HS6ST1: variants seen among roughly 807,000 people sequenced by gnomAD.
HS6ST1 encodes the protein heparan-sulfate 6-O-sulfotransferase 1.
Under a neutral mutation model 25.2 loss-of-function variants are expected in HS6ST1, and 3 were observed. The ratio of observed to expected loss-of-function variants is 0.12; its 90% CI spans 0.05 to 0.31. The LOEUF is 0.31. HS6ST1 is among the 10% of genes least tolerant of loss of function. HS6ST1 has a pLI of 1.00. For missense variants in HS6ST1, 310 were observed against 609.6 expected (o/e 0.51, Z 5.18); for synonymous variants, 204 against 275.1 (o/e 0.74, Z 2.56).
At chr2:128,270,722 T>C (rs1038768025) in intron 1 of HS6ST1, among the ~76,000 whole-genome samples, 17 of 152,166 alleles carry the variant, frequency 1.1e-4, no homozygotes, top group African/African-American at 3.9e-4. Flanking sequence ...CCCACTCCTG[T>C]GGGGCCGTGA....
At chr2:128,280,951 C>G (rs1401909324) in intron 1 of HS6ST1, among the ~76,000 whole-genome samples, 1 of 152,258 alleles carries the variant, frequency 6.6e-6, no homozygotes, top group Non-Finnish European at 1.5e-5. Context: ...TGACCCAACC[C>G]CAGGGAGCCC....
At chr2:128,298,707 A>G (rs537825027) in intron 1 of HS6ST1, among the ~76,000 whole-genome samples, 1 of 152,330 alleles carries the variant, frequency 6.6e-6, no homozygotes. Flanking sequence ...GTTTGGGAAG[A>G]TGAAAAAGTT....
rs918281554 is a variant in HS6ST1 at position 128,285,116 on chromosome 2, C to T, written c.528-16246G>A. Among the ~76,000 whole-genome samples, 10 of 152,318 alleles carry T rather than the reference C, an allele frequency of 6.6e-5. 1 individual carries two copies. The highest frequency in any genetic ancestry group is 2.6e-4 in the Admixed American group (4 of 15,296). Reference sequence around the variant, plus strand: ...GGAGTGCCTACTGCGTGCTCTAGGTCGCCGACCACCAGCCAAGCCCTGGGG... The same window carrying T: ...GGAGTGCCTACTGCGTGCTCTAGGTTGCCGACCACCAGCCAAGCCCTGGGG... On this transcript the variant is annotated intron_variant, in intron 1 of 1. Coordinates refer to ENST00000259241, the MANE Select transcript of HS6ST1 (RefSeq NM_004807.3).
intron 1 of HS6ST1, among the ~76,000 whole-genome samples, chr2:128,284,502 C>CTCTTTTTTTTT (rs1553456277): frequency 2.9e-5 from 3 of 104,414 alleles, no homozygotes; most frequent in Non-Finnish European, 5.6e-5. Context: ...GACATCGTCC[C>CTCTTTTTTTTT]TCTTTTTTTT....
intron 1 of HS6ST1, among the ~76,000 whole-genome samples, chr2:128,273,959 G>A (rs1019287292): frequency 2.7e-4 from 41 of 152,266 alleles, no homozygotes; most frequent in South Asian, 1.2e-3. Context: ...CACACTCACG[G>A]TGGTCCCCAG....
At chr2:128,269,510 C>A (rs754332017) in intron 1 of HS6ST1, among the ~76,000 whole-genome samples, 1 of 152,248 alleles carries the variant, frequency 6.6e-6, no homozygotes, top group African/African-American at 2.4e-5. Flanking sequence ...ACCTCCCACC[C>A]TCCCCTGCGC....
chr2:128,284,728 T>A (rs1198995532), intron 1 of HS6ST1, among the ~76,000 whole-genome samples: 1 of 152,194 alleles, frequency 6.6e-6, no homozygotes, highest in Non-Finnish European at 1.5e-5. Flanking sequence ...CTTCAGGTGA[T>A]CCACCTGCCT....
intron 1 of HS6ST1, among the ~76,000 whole-genome samples, chr2:128,313,097 T>C (rs981699753): frequency 2.6e-5 from 4 of 152,072 alleles, no homozygotes; most frequent in East Asian, 1.9e-4. Flanking sequence ...TCAGTACCAA[T>C]GAGTGTGCCA....
At position 128,265,598 on chromosome 2, in the gene HS6ST1, A is replaced by G. The variant is rs1007155885; in HGVS notation, c.*2564T>C. 1 of 152,246 alleles carries G rather than the reference A, an allele frequency of 6.6e-6. No homozygotes were observed. Among genetic ancestry groups the G allele is most frequent in the Non-Finnish European group, 1.5e-5 (1 of 68,044 alleles). 9.4% of individuals were successfully genotyped at this position (152,246 alleles called of 1,614,324 possible). A position where few individuals can be genotyped will look rare whatever the true frequency, so the allele number is the denominator to read the frequency against. ...ATTTTTTTGTATGAATAACCAAAAA[A>G]TTTCTTCAACACTTTTTTTTAAGAA... On this transcript the variant is annotated 3_prime_UTR_variant, in exon 2 of 2. Coordinates refer to ENST00000259241, the MANE Select transcript of HS6ST1 (RefSeq NM_004807.3).
intron 1 of HS6ST1, among the ~76,000 whole-genome samples, chr2:128,294,669 GGCGT>G (rs1208804570): frequency 2.4e-5 from 3 of 127,014 alleles, no homozygotes; most frequent in Admixed American, 8.3e-5. Flanking sequence ...AAAGAAGGGA[GGCGT>G]GTGTGTGTGT....
At chr2:128,270,518 G>A (rs921278504) in intron 1 of HS6ST1, among the ~76,000 whole-genome samples, 13 of 152,234 alleles carry the variant, frequency 8.5e-5, no homozygotes, top group African/African-American at 3.1e-4. Flanking sequence ...ACCTTCTTCA[G>A]GTAGCAGGTG....
chr2:128,310,721 GAACACTCCT>G (rs1694277990), intron 1 of HS6ST1, among the ~76,000 whole-genome samples: 1 of 152,148 alleles, frequency 6.6e-6, no homozygotes, highest in African/African-American at 2.4e-5. Context: ...ATCAGCACTT[GAACACTCCT>G]GTGTGGGCGT....
intron 1 of HS6ST1, among the ~76,000 whole-genome samples, chr2:128,298,770 T>G (rs1694078061): frequency 6.6e-6 from 1 of 152,194 alleles, no homozygotes; most frequent in African/African-American, 2.4e-5. Flanking sequence ...TTCATGCCAC[T>G]GAACTGTACA....
chr2:128,292,164 C>T (rs2104925081), intron 1 of HS6ST1, among the ~76,000 whole-genome samples: 1 of 152,334 alleles, frequency 6.6e-6, no homozygotes, highest in South Asian at 2.1e-4. Context: ...TGGCCCTGCC[C>T]AGCTCTAGGC....
chr2:128,286,212 T>C (rs1693857612), intron 1 of HS6ST1, among the ~76,000 whole-genome samples: 1 of 152,234 alleles, frequency 6.6e-6, no homozygotes, highest in Admixed American at 6.5e-5. Context: ...GATCTCACCT[T>C]GTCACAGTCC....
rs1694400529 is a variant in HS6ST1, at chr2:128,318,046, C to CGCAGCGCGGCGGAGTCGCGGCGGT, written c.494_517dup (p.Leu172_Arg173insHisArgArgAspSerAlaAlaLeu). Reference sequence around the variant, plus strand: ...CCGCCCGGGCGCTCACCTGGGCGTGCGCAGCGCGGCGGAGTCGCGGCGGTC... The same window carrying CGCAGCGCGGCGGAGTCGCGGCGGT: ...CCGCCCGGGCGCTCACCTGGGCGTGCGCAGCGCGGCGGAGTCGCGGCGGTGCAGCGCGGCGGAGTCGCGGCGGTC... On this transcript the variant is annotated inframe_insertion, in exon 1 of 2. Transcript: ENST00000259241. This position sits in a 1 kb window ranked among gnomAD's most constrained non-coding sequence, Gnocchi z 5.7. 6.6e-7 allele frequency: 1 copy of CGCAGCGCGGCGGAGTCGCGGCGGT among 1,513,362 alleles called. No individual in the cohort carries two copies. 93.7% of individuals were successfully genotyped at this position (1,513,362 alleles called of 1,614,324 possible). A position where few individuals can be genotyped will look rare whatever the true frequency, so the allele number is the denominator to read the frequency against.
chr2:128,313,802 G>A (rs192967984), intron 1 of HS6ST1, among the ~76,000 whole-genome samples: 2 of 151,894 alleles, frequency 1.3e-5, no homozygotes, highest in South Asian at 2.1e-4. Flanking sequence ...AGTTTTATGC[G>A]TGAAGTGCCT....
At chr2:128,317,502 G>A (rs756528740) in intron 1 of HS6ST1, among the ~76,000 whole-genome samples, 4 of 152,186 alleles carry the variant, frequency 2.6e-5, no homozygotes, top group African/African-American at 4.8e-5. Context: ...TGCACACACC[G>A]GCAGGCAGGC....
intron 1 of HS6ST1, among the ~76,000 whole-genome samples, chr2:128,272,232 C>T (rs983115875): frequency 6.6e-6 from 1 of 152,264 alleles, no homozygotes; most frequent in Non-Finnish European, 1.5e-5. Flanking sequence ...TCCCCAGCAC[C>T]GTCACGGTCT....
Sources: allele counts gnomAD v4.1 joint callset (sites outside exome capture counted in the v4.1 genomes callset), GRCh38; gene constraint gnomAD v4.1.1; non-coding constraint Gnocchi (gnomAD v3.1); transcripts MANE v1.5; gene names NCBI Gene and HGNC (gene_info 2026-07-23, HGNC 2026-07-21).